GNE: variants seen among roughly 807,000 people sequenced by gnomAD.
The protein encoded by GNE is glucosamine (UDP-N-acetyl)-2-epimerase/N-acetylmannosamine kinase, also known as bifunctional UDP-N-acetylglucosamine 2-epimerase/N-acetylmannosamine kinase.
GNE carries 41 observed loss-of-function variants against 61.8 expected under a neutral mutation model. That is an observed-to-expected ratio of 0.66 (90% confidence interval 0.52 to 0.86). GNE has a LOEUF of 0.86. GNE is among the 40% of genes least tolerant of loss of function. GNE has a pLI of 0.00. For missense variants in GNE, 608 were observed against 909.1 expected (o/e 0.67, Z 4.26); for synonymous variants, 264 against 326.4 (o/e 0.81, Z 2.06).
chr9:36,272,492 G>A (rs141066775), intron 1 of GNE, among the ~76,000 whole-genome samples: 11,220 of 151,744 alleles, frequency 0.074, 436 homozygotes, highest in Non-Finnish European at 0.093. Flanking sequence ...GTGGTGGCGG[G>A]CCCCTGTAGT....
chr9:36,223,119 C>G (rs1403863434), intron 8 of GNE, 121 bp from the exon 9 acceptor site: 7 of 930,898 alleles, frequency 7.5e-6, no homozygotes, highest in South Asian at 6.7e-5. Flanking sequence ...CAAACGTTAC[C>G]AAGGACTGCA....
intron 1 of GNE, among the ~76,000 whole-genome samples, chr9:36,267,396 A>G (rs575086383): frequency 2.0e-5 from 3 of 152,248 alleles, no homozygotes; most frequent in East Asian, 3.9e-4. Flanking sequence ...TTTTCTCAGG[A>G]TTTTAAAATA....
intron 1 of GNE, among the ~76,000 whole-genome samples, chr9:36,264,789 A>T (rs1291730861): frequency 8.5e-5 from 13 of 152,176 alleles, no homozygotes; most frequent in Admixed American, 2.6e-4. Context: ...CAAAAACAGG[A>T]GGTAAAGAAC....
chr9:36,219,366 C>A (rs1828479981), intron 10 of GNE, among the ~76,000 whole-genome samples: 1 of 152,134 alleles, frequency 6.6e-6, no homozygotes, highest in African/African-American at 2.4e-5. Context: ...ACACTTCTCT[C>A]CTGCACTCTC....
chr9:36,257,458 C>A (rs1830403002), intron 1 of GNE, among the ~76,000 whole-genome samples: 1 of 151,986 alleles, frequency 6.6e-6, no homozygotes, highest in Non-Finnish European at 1.5e-5. Context: ...ACCCCTCCTA[C>A]CAGAGTAGTA....
chr9:36,246,968 C>A (rs1829906168), intron 2 of GNE, among the ~76,000 whole-genome samples: 1 of 152,090 alleles, frequency 6.6e-6, no homozygotes, highest in African/African-American at 2.4e-5. Flanking sequence ...TGCACCCGGC[C>A]AGAGAATTTT....
At chr9:36,235,115 A>G (rs567119779) in intron 4 of GNE, among the ~76,000 whole-genome samples, 7 of 152,166 alleles carry the variant, frequency 4.6e-5, no homozygotes, top group Admixed American at 1.3e-4. Context: ...CCAAAATCCA[A>G]CTGCTCCAAT....
Position 36,225,549 on chromosome 9 carries a change from C to T in GNE, c.1281+1699G>A, listed in dbSNP as rs1031714664. Among the ~76,000 whole-genome samples, 4 of 152,142 alleles carry T rather than the reference C, an allele frequency of 2.6e-5. No individual in the cohort carries two copies. The South Asian group carries it at 8.3e-4, about 31-fold the overall frequency. On this transcript the variant is annotated intron_variant, in intron 7 of 11. Coordinates refer to ENST00000642385, the MANE Select transcript of GNE (RefSeq NM_005476.7). ...ACTCAGGAGGCTGAAGCACAAAAAT[C>T]ACTTGAGCCCGGGAGGCAGAGGTTG...
At chr9:36,219,256 C>A (rs989056817) in intron 10 of GNE, among the ~76,000 whole-genome samples, 1 of 152,126 alleles carries the variant, frequency 6.6e-6, no homozygotes, top group Non-Finnish European at 1.5e-5. Context: ...CTGTCCCATA[C>A]ACCCATCATC....
At chr9:36,276,513 G>C (rs565785419) in intron 1 of GNE, among the ~76,000 whole-genome samples, 3 of 152,256 alleles carry the variant, frequency 2.0e-5, no homozygotes, top group Non-Finnish European at 4.4e-5. Context: ...TACATGCCAT[G>C]TTTCAAAAGG....
chr9:36,258,372 G>C lies in GNE; in HGVS notation c.-94C>G, dbSNP rs1830483930. 2.0e-6 allele frequency: 2 copies of C among 985,594 alleles called. No homozygotes were observed. The allele number at this position is 985,594 out of a possible 1,614,324, so 61.1% of individuals were successfully genotyped here. A position where few individuals can be genotyped will look rare whatever the true frequency, so the allele number is the denominator to read the frequency against. On this transcript the variant is annotated 5_prime_UTR_variant, in exon 1 of 12. Transcript: ENST00000642385. ...CGCCGCCACCGCGCTCCTCGGGCGA[G>C]GGACGAACCAAGCGCCACGAAGCAG...
intron 1 of GNE, among the ~76,000 whole-genome samples, chr9:36,274,677 T>C (rs1190965944): frequency 6.6e-6 from 1 of 152,114 alleles, no homozygotes; most frequent in African/African-American, 2.4e-5. Context: ...CTCATTTTAG[T>C]GTATCTCCAG....
At position 36,234,289 on chromosome 9, in the gene GNE, A is replaced by G. The variant is rs1829304422; in HGVS notation, c.770-157T>C. ...TTAACTACTGGCTTTTTCATGAATG[A>G]TGGATATCTAAAATGTCCTCTGCTT... On this transcript the variant is annotated intron_variant, in intron 4 of 11. Coordinates refer to ENST00000642385, the MANE Select transcript of GNE (RefSeq NM_005476.7). 3.3e-5 allele frequency among the ~76,000 whole-genome samples: 5 copies of G among 152,340 alleles called. No individual in the cohort carries two copies. In the South Asian group the frequency reaches 1.0e-3, roughly 32 times the overall value.
At position 36,233,911 on chromosome 9, in the gene GNE, G is replaced by GA; in HGVS notation, c.982+8_982+9insT. The stretch of plus-strand genomic sequence containing the variant: ...CCTAGTCAGTTGAAGTATGAGCAAA[G>GA]GTAAATACCTGTTTCTCTTCCAATC... On this transcript the variant is annotated intron_variant, in intron 5 of 11. Transcript: ENST00000642385. 1 of 1,605,018 alleles carries GA rather than the reference G, an allele frequency of 6.2e-7. No homozygotes were observed. The highest frequency in any genetic ancestry group is 8.5e-7 in the Non-Finnish European group (1 of 1,171,688).
chr9:36,237,946 A>G (rs1461607559), intron 3 of GNE, among the ~76,000 whole-genome samples: 2 of 152,164 alleles, frequency 1.3e-5, no homozygotes, highest in Non-Finnish European at 2.9e-5. Context: ...TTCACTTAGA[A>G]TAATAGTGTC....
intron 1 of GNE, among the ~76,000 whole-genome samples, chr9:36,274,655 TCTTC>T (rs1337920524): frequency 6.6e-6 from 1 of 152,160 alleles, no homozygotes; most frequent in Non-Finnish European, 1.5e-5. Flanking sequence ...AATTCTGTAG[TCTTC>T]CTTATATCTC....
rs575750968 is a variant in GNE at position 36,225,525 on chromosome 9, C to A, written c.1281+1723G>T. On this transcript the variant is annotated intron_variant, in intron 7 of 11. Transcript: ENST00000642385. ...TGGCATAAGCCTGTAGTCCCATCTA[C>A]TCAGGAGGCTGAAGCACAAAAATCA... is the stretch of plus-strand genomic sequence containing the variant. 1.1e-4 allele frequency among the ~76,000 whole-genome samples: 16 copies of A among 152,256 alleles called. No homozygotes were observed. In the East Asian group the frequency reaches 2.3e-3, roughly 22 times the overall value.
Position 36,216,163 on chromosome 9 carries a change from G to A in GNE, c.*1202C>T. The A allele has an allele frequency of 2.6e-6, 1 of 386,024 alleles. No individual in the cohort carries two copies. Among genetic ancestry groups the A allele is most frequent in the Non-Finnish European group, 5.4e-6 (1 of 184,034 alleles). The allele number at this position is 386,024 out of a possible 1,614,324, so 23.9% of individuals were successfully genotyped here. The stretch of plus-strand genomic sequence containing the variant: ...TGTCCAGTGTCTTGATTGTGGTGAT[G>A]CTTTCACAGGTATACATATGTCAAG... On this transcript the variant is annotated 3_prime_UTR_variant, in exon 12 of 12. Coordinates refer to ENST00000642385, the MANE Select transcript of GNE (RefSeq NM_005476.7).
chr9:36,234,274 G>A, intron 4 of GNE, 142 bp from the exon 5 acceptor site: 1 of 723,510 alleles, frequency 1.4e-6, no homozygotes, highest in Non-Finnish European at 2.5e-6. Context: ...TTAACTACTG[G>A]CTTTTTCATG....
Sources: allele counts gnomAD v4.1 joint callset (sites outside exome capture counted in the v4.1 genomes callset), GRCh38; gene constraint gnomAD v4.1.1; transcripts MANE v1.5; gene names NCBI Gene and HGNC (gene_info 2026-07-23, HGNC 2026-07-21).